The following KNTC1 variants were observed in gnomAD, a reference collection of about 807,000 sequenced individuals.
The protein encoded by KNTC1 is kinetochore-associated protein 1.
Under a neutral mutation model 314.4 loss-of-function variants are expected in KNTC1, and 253 were observed. The observed-to-expected ratio is 0.80, with a 90% CI of 0.73 to 0.89. The LOEUF is 0.89. Ranked by LOEUF, KNTC1 falls within the 40% of genes least tolerant of loss-of-function variation. The probability of loss-of-function intolerance (pLI) is 0.00; values close to 1 mark genes in which losing one functional copy is unlikely to be tolerated. For synonymous variants in KNTC1, 901 were observed against 901.4 expected, an observed-to-expected ratio of 1.00 and a Z score of 0.01; for missense variants, 2,475 against 2,572.9, an observed-to-expected ratio of 0.96 and a Z score of 0.82.
chr12:122,620,423 C>T, intron 59 of KNTC1, 56 bp from the exon 60 acceptor site: 2 of 1,538,320 alleles, frequency 1.3e-6, no homozygotes, highest in African/African-American at 1.4e-5. Context: ...CTAGAAAGGC[C>T]AATATAATCT....
intron 33 of KNTC1, 79 bp downstream of exon 33, chr12:122,580,749 C>A: frequency 1.1e-6 from 1 of 939,596 alleles, no homozygotes; most frequent in Non-Finnish European, 1.6e-6. Flanking sequence ...TTCTGTATGG[C>A]TGGGCGCAGT....
At chr12:122,529,001 C>T (rs1024392051) in intron 1 of KNTC1, among the ~76,000 whole-genome samples, 40 of 152,098 alleles carry the variant, frequency 2.6e-4, no homozygotes, top group Admixed American at 5.2e-4. Context: ...CACCACCACG[C>T]CCGGCTAATT....
At chr12:122,554,515 A>G (rs1443742602) in intron 16 of KNTC1, among the ~76,000 whole-genome samples, 2 of 152,222 alleles carry the variant, frequency 1.3e-5, no homozygotes, top group Admixed American at 6.6e-5. Context: ...GAAAGACAAC[A>G]GTGGGATCTG....
chr12:122,597,719 T>C lies in KNTC1; in HGVS notation c.4356-12T>C. On this transcript the variant is annotated splice_polypyrimidine_tract_variant and intron_variant, in intron 43 of 63. Coordinates refer to ENST00000333479, the MANE Select transcript of KNTC1 (RefSeq NM_014708.6). ...GTTTGGGAGACTGGTGTGTATTGAATGCTTCTTTTAGCACATTTCAGTTGG... is the reference window on the plus strand; with the variant it reads ...GTTTGGGAGACTGGTGTGTATTGAACGCTTCTTTTAGCACATTTCAGTTGG... The C allele has an allele frequency of 3.7e-6, 6 of 1,612,314 alleles. No homozygotes were observed. Among genetic ancestry groups the C allele is most frequent in the Non-Finnish European group, 4.2e-6 (5 of 1,178,526 alleles).
intron 16 of KNTC1, among the ~76,000 whole-genome samples, chr12:122,555,320 G>C (rs562829325): frequency 4.6e-5 from 7 of 152,322 alleles, no homozygotes; most frequent in Non-Finnish European, 1.0e-4. Context: ...GGGAGGCCAA[G>C]GTGGGTGGAT....
intron 3 of KNTC1, among the ~76,000 whole-genome samples, chr12:122,537,238 C>T (rs1437389552): frequency 6.6e-6 from 1 of 152,152 alleles, no homozygotes; most frequent in Non-Finnish European, 1.5e-5. Flanking sequence ...GAATGCTCTT[C>T]ATCTTAGTCA....
At chr12:122,535,117 A>G (rs982871201) in intron 3 of KNTC1, among the ~76,000 whole-genome samples, 3 of 152,220 alleles carry the variant, frequency 2.0e-5, no homozygotes, top group Non-Finnish European at 4.4e-5. Context: ...GGTATCATTA[A>G]TGGGTATTTG....
At chr12:122,569,522 C>T (rs570779478) in intron 21 of KNTC1, among the ~76,000 whole-genome samples, 159 bp from the exon 22 acceptor site, 1 of 152,260 alleles carries the variant, frequency 6.6e-6, no homozygotes, top group Admixed American at 6.5e-5. Flanking sequence ...TATGCAGCTC[C>T]CAACTAGAAT....
At chr12:122,604,511 A>G in intron 48 of KNTC1, 53 bp from the exon 49 acceptor site, 1 of 1,037,668 alleles carries the variant, frequency 9.6e-7, no homozygotes, top group Non-Finnish European at 1.4e-6. Context: ...TTTCTTGAAA[A>G]GATTAAGATT....
rs1188448993 is a variant in KNTC1, at chr12:122,557,511, T to C, written c.1398+2T>C. 6 of 1,613,354 alleles carry C rather than the reference T, an allele frequency of 3.7e-6. No homozygotes were observed. The highest frequency in any genetic ancestry group is 5.1e-6 in the Non-Finnish European group (6 of 1,179,638). ...AAGGAAAATCTACATAAGATCCAGG[T>C]ATGTTTTTCTTGTCACATACTACAG... On this transcript the variant is annotated splice_donor_variant, in intron 17 of 63. Transcript: ENST00000333479. LOFTEE classifies it high-confidence loss of function.
intron 13 of KNTC1, 132 bp from the exon 14 acceptor site, chr12:122,551,187 T>G (rs1593519033): frequency 1.6e-6 from 1 of 609,636 alleles, no homozygotes; most frequent in Non-Finnish European, 2.9e-6. Context: ...ACATAGTAGG[T>G]ATTTATGGGA....
chr12:122,590,487 G>T (rs1402240000), intron 40 of KNTC1, 120 bp from the exon 41 acceptor site: 13 of 988,700 alleles, frequency 1.3e-5, no homozygotes, highest in East Asian at 2.8e-5. Context: ...TCTTTAAAAA[G>T]TTTTTTTTAA....
At chr12:122,577,647 T>C (rs1325560718) in intron 30 of KNTC1, 25 bp from the exon 31 acceptor site, 1 of 1,595,872 alleles carries the variant, frequency 6.3e-7, no homozygotes, top group East Asian at 2.3e-5. Flanking sequence ...AGCTGTTTTT[T>C]CTTCCTTTCA....
At chr12:122,613,459 G>A in intron 54 of KNTC1, 167 bp from the exon 55 acceptor site, 1 of 672,636 alleles carries the variant, frequency 1.5e-6, no homozygotes, top group Non-Finnish European at 2.4e-6. Context: ...TATTTATCTT[G>A]TTCAAATTGA....
At chr12:122,570,649 T>C (rs1225639558) in intron 22 of KNTC1, among the ~76,000 whole-genome samples, 1 of 152,130 alleles carries the variant, frequency 6.6e-6, no homozygotes, top group African/African-American at 2.4e-5. Flanking sequence ...GATACCCCAC[T>C]CTCCATGTTG....
rs772321810 is a variant in KNTC1, at chr12:122,542,106, C to G, written c.502C>G (p.Gln168Glu). ...TGGATTTTTTTGTATTACAAACCTTCAGCTTTTAAAAATTCAACAAGGTAA... is the reference window on the plus strand; with the variant it reads ...TGGATTTTTTTGTATTACAAACCTTGAGCTTTTAAAAATTCAACAAGGTAA... ...YSGFFCITNL[Q>E]LLKIQQAIEN... Residue 168 changes from glutamine (Q) to glutamate (E), a missense_variant, in exon 6 of 64, where the codon CAG becomes GAG. Transcript: ENST00000333479. 5.3e-6 allele frequency: 8 copies of G among 1,520,820 alleles called. No homozygotes were observed. Among genetic ancestry groups the G allele is most frequent in the Non-Finnish European group, 7.2e-6 (8 of 1,114,134 alleles). The allele number at this position is 1,520,820 out of a possible 1,614,324, so 94.2% of individuals were successfully genotyped here. A position where few individuals can be genotyped will look rare whatever the true frequency, so the allele number is the denominator to read the frequency against.
At position 122,576,899 on chromosome 12, in the gene KNTC1, T is replaced by G; in HGVS notation, c.2591T>G (p.Val864Gly). Residue 864 changes from valine to glycine, a missense_variant, in exon 30 of 64, where the codon GTG (valine) becomes GGG (glycine). By Grantham distance (109) the Val-to-Gly change is moderately radical. Transcript: ENST00000333479. The part of the protein sequence containing the change: ...VNLLNKEIMR[V>G]VRYILKQDVP... ...TGTTCATATTGTCTTTTGCAGAGAG[T>G]GGTTAGATACATTCTCAAACAAGAT... 6.4e-7 allele frequency: 1 copy of G among 1,567,030 alleles called. No individual in the cohort carries two copies. Among genetic ancestry groups the G allele is most frequent in the Non-Finnish European group, 8.6e-7 (1 of 1,161,856 alleles).
At chr12:122,557,781 C>T (rs994447233) in intron 18 of KNTC1, 92 bp downstream of exon 18, 7 of 830,182 alleles carry the variant, frequency 8.4e-6, no homozygotes, top group African/African-American at 1.7e-5. Context: ...TCTTTTCCTC[C>T]TATCCGCTAT....
Position 122,580,663 on chromosome 12 carries a change from G to T in KNTC1, c.2975G>T (p.Ser992Ile). 1.3e-6 allele frequency: 2 copies of T among 1,558,758 alleles called. No homozygotes were observed. The highest frequency in any genetic ancestry group is 8.7e-7 in the Non-Finnish European group (1 of 1,146,890). ...TTGAAACTATTTAAAGAGGTTGCTA[G>T]CTTACAGGTAAACATATTGAGCCAT... ...EMLKLFKEVA[S>I]LQENFEVFLS... Residue 992 changes from serine to isoleucine, a missense_variant, in exon 33 of 64, where the codon AGC becomes ATC. Physicochemically the swap from Ser to Ile is moderately radical, Grantham distance 142. Coordinates refer to ENST00000333479, the MANE Select transcript of KNTC1 (RefSeq NM_014708.6).
Sources: allele counts gnomAD v4.1 joint callset (sites outside exome capture counted in the v4.1 genomes callset), GRCh38; gene constraint gnomAD v4.1.1; transcripts MANE v1.5; gene names NCBI Gene and HGNC (gene_info 2026-07-23, HGNC 2026-07-21).